The following FBXW11 variants were observed in gnomAD, a reference collection of about 807,000 sequenced individuals.
FBXW11 encodes the protein F-box/WD repeat-containing protein 11.
A neutral mutation model predicts 77.6 loss-of-function variants in FBXW11; 19 were observed. That is an observed-to-expected ratio of 0.24 (90% CI 0.17 to 0.36). The LOEUF (loss-of-function observed/expected upper bound fraction) is 0.36, where lower values mean the gene tolerates loss of function less well. Ranked by LOEUF, FBXW11 falls within the 10% of genes least tolerant of loss-of-function variation. FBXW11 has a pLI of 1.00. For synonymous variants in FBXW11, 235 were observed against 249.4 expected (o/e 0.94, Z 0.54); for missense variants, 334 against 704.2 (o/e 0.47, Z 5.95).
chr5:171,879,917 G>A (rs1014863232), intron 7 of FBXW11, among the ~76,000 whole-genome samples: 1 of 152,170 alleles, frequency 6.6e-6, no homozygotes, highest in South Asian at 2.1e-4. Context: ...CTCTCACAGA[G>A]CAGAAATTTT....
At position 171,874,492 on chromosome 5, in the gene FBXW11, T is replaced by C. The variant is rs1158326862; in HGVS notation, c.1222-1502A>G. Reference sequence around the variant, plus strand: ...CAATTGGTGTGACTGTGGGAGTAAGTTGCCGCATATAAATCCTAGTTGTTT... The same window carrying C: ...CAATTGGTGTGACTGTGGGAGTAAGCTGCCGCATATAAATCCTAGTTGTTT... On this transcript the variant is annotated intron_variant, in intron 9 of 13. Transcript: ENST00000517395. Among the ~76,000 whole-genome samples the C allele has an allele frequency of 3.9e-5, 6 of 152,158 alleles. No homozygotes were observed. The South Asian group carries it at 1.2e-3, about 32-fold the overall frequency.
At chr5:171,892,535 T>C (rs1759425312) in intron 6 of FBXW11, among the ~76,000 whole-genome samples, 2 of 152,088 alleles carry the variant, frequency 1.3e-5, no homozygotes, top group Non-Finnish European at 2.9e-5. Flanking sequence ...ACACAGAACG[T>C]AAGAAGATCA....
At chr5:171,881,153 C>T (rs533212377) in intron 7 of FBXW11, among the ~76,000 whole-genome samples, 1 of 152,182 alleles carries the variant, frequency 6.6e-6, no homozygotes, top group East Asian at 1.9e-4. Flanking sequence ...TTTTTTTCTA[C>T]AATCATGTCA....
chr5:171,983,019 T>C (rs1339004912), intron 1 of FBXW11, among the ~76,000 whole-genome samples: 1 of 151,980 alleles, frequency 6.6e-6, no homozygotes, highest in Non-Finnish European at 1.5e-5. Context: ...CTGGGAAACA[T>C]GGAACACCTG....
chr5:171,956,394 C>A (rs1763616503), intron 2 of FBXW11, among the ~76,000 whole-genome samples: 1 of 152,160 alleles, frequency 6.6e-6, no homozygotes, highest in Non-Finnish European at 1.5e-5. Context: ...TGTAACCCAC[C>A]TTTATATACA....
chr5:171,944,984 T>C (rs952629010), intron 2 of FBXW11, among the ~76,000 whole-genome samples: 1 of 152,186 alleles, frequency 6.6e-6, no homozygotes, highest in Non-Finnish European at 1.5e-5. Context: ...TACTACCTGC[T>C]GGGACTGTTT....
At chr5:171,889,013 A>G (rs1759112101) in intron 7 of FBXW11, among the ~76,000 whole-genome samples, 3 of 152,232 alleles carry the variant, frequency 2.0e-5, no homozygotes, top group Admixed American at 2.0e-4. Flanking sequence ...ATGTGGAACA[A>G]TATCAAAAGA....
At chr5:171,982,026 T>C (rs1765174256) in intron 1 of FBXW11, among the ~76,000 whole-genome samples, 1 of 152,018 alleles carries the variant, frequency 6.6e-6, no homozygotes, top group Admixed American at 6.6e-5. Context: ...GGCAGAGAAA[T>C]GACTGAAAAG....
At chr5:171,864,250 TA>T (rs1334854227) in intron 13 of FBXW11, 149 bp from the exon 14 acceptor site, 2 of 152,256 alleles carry the variant, frequency 1.3e-5, no homozygotes, top group Non-Finnish European at 2.9e-5. Flanking sequence ...CTGAGTGTAC[TA>T]CATACCAGGT....
chr5:171,982,407 G>T (rs1765198715), intron 1 of FBXW11, among the ~76,000 whole-genome samples: 2 of 152,064 alleles, frequency 1.3e-5, no homozygotes. Flanking sequence ...CCACCAAGTA[G>T]CTGGGATTAC....
intron 2 of FBXW11, among the ~76,000 whole-genome samples, chr5:171,946,645 ATAACTGCACAGC>A (rs2113221288): frequency 6.6e-6 from 1 of 152,098 alleles, no homozygotes; most frequent in East Asian, 1.9e-4. Flanking sequence ...TTTCCTCCAG[ATAACTGCACAGC>A]TTGCTCCCTC....
chr5:171,971,586 GTTACCAGCAGCAAAAGTCA>G (rs1342210007), intron 1 of FBXW11, among the ~76,000 whole-genome samples: 1 of 151,936 alleles, frequency 6.6e-6, no homozygotes, highest in Non-Finnish European at 1.5e-5. Context: ...TTCTGTATAT[GTTACCAGCAGCAAAAGTCA>G]TTACGTTTTT....
intron 13 of FBXW11, 118 bp from the exon 14 acceptor site, chr5:171,864,219 C>T (rs1260824822): frequency 6.6e-6 from 1 of 152,256 alleles, no homozygotes; most frequent in Non-Finnish European, 1.5e-5. Flanking sequence ...TTAGCATTAA[C>T]AGCAGAAGCT....
intron 2 of FBXW11, among the ~76,000 whole-genome samples, chr5:171,939,098 G>A (rs551019957): frequency 2.0e-5 from 3 of 152,098 alleles, no homozygotes; most frequent in South Asian, 4.2e-4. Context: ...ATAGTGGGGC[G>A]TAGTGGCAGG....
chr5:171,993,564 G>A lies in FBXW11; in HGVS notation c.45+12894C>T, dbSNP rs144863705. 5.8e-3 allele frequency among the ~76,000 whole-genome samples: 877 copies of A among 152,156 alleles called. 9 individuals are homozygous for A. The highest frequency in any genetic ancestry group is 0.02 in the African/African-American group (831 of 41,484). On this transcript the variant is annotated intron_variant, in intron 1 of 13. Coordinates refer to ENST00000517395, the MANE Select transcript of FBXW11 (RefSeq NM_001378974.1). ...AGAGGCGGAGGTTGCAGTGAGCCACGATCGCGCCACTGCACTCCAGCCTGG... is the reference window on the plus strand; with the variant it reads ...AGAGGCGGAGGTTGCAGTGAGCCACAATCGCGCCACTGCACTCCAGCCTGG...
intron 2 of FBXW11, among the ~76,000 whole-genome samples, chr5:171,926,421 T>G (rs1053084851): frequency 6.6e-6 from 1 of 152,194 alleles, no homozygotes; most frequent in Non-Finnish European, 1.5e-5. Flanking sequence ...CTTGTCAAAT[T>G]GTAATCCCCA....
At chr5:171,959,056 A>T (rs562384605) in intron 1 of FBXW11, among the ~76,000 whole-genome samples, 10 of 151,010 alleles carry the variant, frequency 6.6e-5, no homozygotes, top group African/African-American at 2.4e-4. Flanking sequence ...CCTATCTAGT[A>T]TCTGTCACTT....
intron 8 of FBXW11, among the ~76,000 whole-genome samples, chr5:171,877,568 C>G (rs1281765911): frequency 6.6e-6 from 1 of 152,066 alleles, no homozygotes; most frequent in Non-Finnish European, 1.5e-5. Flanking sequence ...ACTCAGGCCT[C>G]TGAGGCTGAG....
intron 6 of FBXW11, among the ~76,000 whole-genome samples, chr5:171,898,649 A>C (rs1456396302): frequency 1.3e-5 from 2 of 152,212 alleles, no homozygotes; most frequent in Admixed American, 6.5e-5. Context: ...CTAGTTCTCT[A>C]GAGATGGCTC....
Sources: allele counts gnomAD v4.1 joint callset (sites outside exome capture counted in the v4.1 genomes callset), GRCh38; gene constraint gnomAD v4.1.1; transcripts MANE v1.5; gene names NCBI Gene and HGNC (gene_info 2026-07-23, HGNC 2026-07-21).